USP32: variants seen among roughly 807,000 people sequenced by gnomAD.
USP32 encodes ubiquitin carboxyl-terminal hydrolase 32.
A neutral mutation model predicts 204.8 loss-of-function variants in USP32; 59 were observed. The observed-to-expected ratio is 0.29, with a 90% CI of 0.23 to 0.36. USP32 has a LOEUF of 0.36. USP32 is among the 10% of genes least tolerant of loss of function. The pLI, the probability that USP32 is intolerant of heterozygous loss-of-function variation, is 1.00. For synonymous variants in USP32, 517 were observed against 678.4 expected (o/e 0.76, Z 3.70); for missense variants, 1,160 against 1,946.4 (o/e 0.60, Z 7.60).
At chr17:60,349,680 CACAT>C (rs1419386147) in intron 1 of USP32, among the ~76,000 whole-genome samples, 1 of 127,924 alleles carries the variant, frequency 7.8e-6, no homozygotes, top group Admixed American at 8.7e-5. Flanking sequence ...TATATATACA[CACAT>C]ATATATATAT....
At chr17:60,216,701 A>C (rs1369447651) in intron 16 of USP32, among the ~76,000 whole-genome samples, 2 of 152,052 alleles carry the variant, frequency 1.3e-5, no homozygotes, top group Non-Finnish European at 2.9e-5. Flanking sequence ...GTCACTTCAA[A>C]AGGAATAAAA....
At chr17:60,203,255 G>A (rs1026501560) in intron 26 of USP32, among the ~76,000 whole-genome samples, 6 of 151,464 alleles carry the variant, frequency 4.0e-5, no homozygotes, top group African/African-American at 9.7e-5. Context: ...ACAAAAATTA[G>A]CCAGGCATGG....
At position 60,392,086 on chromosome 17, in the gene USP32, C is replaced by T. The variant is rs1217244828; in HGVS notation, c.-147G>A. On this transcript the variant is annotated 5_prime_UTR_variant, in exon 1 of 34. Transcript: ENST00000300896. ...CCACACTAACAAGTGCGGCTTCTGCCCCGGCGGCTCCTCCCGGTCGCCGCC... is the reference window on the plus strand; with the variant it reads ...CCACACTAACAAGTGCGGCTTCTGCTCCGGCGGCTCCTCCCGGTCGCCGCC... The T allele has an allele frequency of 1.2e-6, 1 of 864,410 alleles. No homozygotes were observed. Among genetic ancestry groups the T allele is most frequent in the Non-Finnish European group, 1.7e-6 (1 of 586,784 alleles). The allele number at this position is 864,410 out of a possible 1,614,324, so 53.5% of individuals were successfully genotyped here.
rs1210830702 is a variant in USP32 at position 60,420,086 on chromosome 17, T to TG, written c.106+2159_106+2160insC. 6.6e-5 allele frequency among the ~76,000 whole-genome samples: 10 copies of TG among 150,428 alleles called. No homozygotes were observed. The East Asian group carries it at 1.6e-3, about 23-fold the overall frequency. ...TTTATTTTGTTTATTTTATTTTATTTTATTTTATTTGTTTTGTTTTATTTT... is the reference window on the plus strand; with the variant it reads ...TTTATTTTGTTTATTTTATTTTATTTGTATTTTATTTGTTTTGTTTTATTTT... On this transcript the variant is annotated intron_variant, in intron 1 of 3. Coordinates refer to the USP32 transcript ENST00000588898.
chr17:60,216,278 CAAAG>C (rs1242124029), intron 16 of USP32, among the ~76,000 whole-genome samples: 5 of 129,498 alleles, frequency 3.9e-5, no homozygotes, highest in African/African-American at 1.7e-4. Flanking sequence ...TTATGGAAAT[CAAAG>C]AGAGGTGGCA....
intron 11 of USP32, among the ~76,000 whole-genome samples, chr17:60,246,072 ATTTT>A (rs1201175684): frequency 1.3e-5 from 2 of 151,970 alleles, no homozygotes; most frequent in Non-Finnish European, 2.9e-5. Flanking sequence ...ACAATAAATT[ATTTT>A]TAACTATAGT....
At chr17:60,366,141 C>T (rs1320067550) in intron 1 of USP32, among the ~76,000 whole-genome samples, 1 of 151,478 alleles carries the variant, frequency 6.6e-6, no homozygotes, top group African/African-American at 2.4e-5. Flanking sequence ...CCACGCCGGG[C>T]TAAGTTTTTT....
Position 60,291,126 on chromosome 17 carries a change from G to A in USP32, c.412-2444C>T, listed in dbSNP as rs539823579. Among the ~76,000 whole-genome samples, 9 of 152,290 alleles carry A rather than the reference G, an allele frequency of 5.9e-5. No homozygotes were observed. In the South Asian group the frequency reaches 1.9e-3, roughly 32 times the overall value. ...AGGAATTTGCCTACTGTTATACAGT[G>A]GAAGAAAGAGGACTGAACTCAGGTA... On this transcript the variant is annotated intron_variant, in intron 4 of 33. Transcript: ENST00000300896.
intron 1 of USP32, among the ~76,000 whole-genome samples, chr17:60,364,171 G>T (rs143394829): frequency 2.0e-5 from 3 of 152,206 alleles, no homozygotes; most frequent in Admixed American, 6.5e-5. Flanking sequence ...ACATGGTGGG[G>T]CAAAGCAAGT....
At chr17:60,344,682 T>C (rs1266578518) in intron 2 of USP32, among the ~76,000 whole-genome samples, 2 of 152,172 alleles carry the variant, frequency 1.3e-5, no homozygotes, top group Admixed American at 6.5e-5. Flanking sequence ...CTGGAACTCC[T>C]GAGCTCAAGT....
chr17:60,359,987 C>T (rs894146244), intron 1 of USP32, among the ~76,000 whole-genome samples: 1 of 151,804 alleles, frequency 6.6e-6, no homozygotes, highest in Non-Finnish European at 1.5e-5. Context: ...CCTGCCTCAG[C>T]CCCCCGAGTA....
intron 29 of USP32, among the ~76,000 whole-genome samples, chr17:60,189,691 G>A (rs2084331568): frequency 6.6e-6 from 1 of 152,152 alleles, no homozygotes; most frequent in Non-Finnish European, 1.5e-5. Context: ...TGCAAAGAGT[G>A]GCCACTGAGA....
In USP32 at chr17:60,226,102, T is replaced by C. The variant is rs1301404293; in HGVS notation, c.1369A>G (p.Thr457Ala). 1.2e-6 allele frequency: 2 copies of C among 1,608,306 alleles called. No homozygotes were observed. Among genetic ancestry groups the C allele is most frequent in the Non-Finnish European group, 1.7e-6 (2 of 1,178,150 alleles). Residue 457 changes from threonine (T) to alanine (A), a missense_variant, in exon 13 of 34, where the codon ACA becomes GCA. Around this residue, in one of 8 missense-constraint regions of USP32, gnomAD observed 536 missense variants for 680.9 expected, o/e 0.79. Transcript: ENST00000300896. ...ATGTTGTCTGAAAATTTCTCTTCTGTAGTATTCACGTAACTGAGGCTGCTT... is the reference window on the plus strand; with the variant it reads ...ATGTTGTCTGAAAATTTCTCTTCTGCAGTATTCACGTAACTGAGGCTGCTT... ...IGSSLSYVNTTEEKFSDNIST... is the reference protein window; with the variant it reads ...IGSSLSYVNTAEEKFSDNIST...
At chr17:60,242,608 G>C (rs1252286234) in intron 11 of USP32, among the ~76,000 whole-genome samples, 2 of 151,874 alleles carry the variant, frequency 1.3e-5, no homozygotes, top group African/African-American at 4.8e-5. Context: ...ATAGGGTTTC[G>C]CCATGTTGGC....
intron 2 of USP32, among the ~76,000 whole-genome samples, chr17:60,343,611 A>G (rs1195245141): frequency 2.0e-5 from 3 of 152,248 alleles, no homozygotes; most frequent in Non-Finnish European, 4.4e-5. Flanking sequence ...AATGAGAACA[A>G]AGACACAACA....
At chr17:60,260,302 C>T (rs764760841) in intron 9 of USP32, among the ~76,000 whole-genome samples, 1 of 151,934 alleles carries the variant, frequency 6.6e-6, no homozygotes, top group Non-Finnish European at 1.5e-5. Context: ...AGGTGGATCA[C>T]CTGAGGTCAG....
intron 1 of USP32, among the ~76,000 whole-genome samples, chr17:60,389,664 T>G (rs1300979037): frequency 1.3e-5 from 2 of 152,040 alleles, no homozygotes; most frequent in Non-Finnish European, 2.9e-5. Context: ...GAAATACAAT[T>G]TTATCAACTT....
chr17:60,216,370 C>A (rs1287375278), intron 16 of USP32, among the ~76,000 whole-genome samples: 2 of 150,858 alleles, frequency 1.3e-5, no homozygotes, highest in Admixed American at 1.3e-4. Flanking sequence ...TTAAAATAGT[C>A]TTCTCTGCTG....
Position 60,246,957 on chromosome 17 carries a change from C to T in USP32, c.1136+5424G>A, listed in dbSNP as rs548723962. On this transcript the variant is annotated intron_variant, in intron 11 of 33. Transcript: ENST00000300896. ...AAAACCTTGATGAATGGATAGTTTG[C>T]AAATATTTTCTCCTATTCTGTTGGT... is the stretch of plus-strand genomic sequence containing the variant. Among the ~76,000 whole-genome samples, 6 of 152,214 alleles carry T rather than the reference C, an allele frequency of 3.9e-5. No individual in the cohort carries two copies. The East Asian group carries it at 1.2e-3, about 29-fold the overall frequency.
Sources: allele counts gnomAD v4.1 joint callset (sites outside exome capture counted in the v4.1 genomes callset), GRCh38; gene constraint gnomAD v4.1.1; regional missense constraint gnomAD v4.1.1; transcripts MANE v1.5; gene names NCBI Gene and HGNC (gene_info 2026-07-23, HGNC 2026-07-21).